GRIN2A: variants seen among roughly 807,000 people sequenced by gnomAD.
The protein encoded by GRIN2A is glutamate receptor ionotropic, NMDA 2A.
Under a neutral mutation model 113.4 loss-of-function variants are expected in GRIN2A, and 22 were observed. That is an observed-to-expected ratio of 0.19 (90% confidence interval 0.14 to 0.28). The LOEUF is 0.28. Among genes scored for constraint, GRIN2A ranks in the 10% least tolerant of loss-of-function variants. GRIN2A has a pLI of 1.00. For synonymous variants in GRIN2A, 827 were observed against 738.4 expected, an observed-to-expected ratio of 1.12 and a Z score of -1.94; for missense variants, 1,502 against 1,887.0, an observed-to-expected ratio of 0.80 and a Z score of 3.78.
chr16:9,761,115 T>G lies in GRIN2A; in HGVS notation c.*2034A>C, dbSNP rs1479375289. On this transcript the variant is annotated 3_prime_UTR_variant, in exon 13 of 13. Coordinates refer to ENST00000330684, the MANE Select transcript of GRIN2A (RefSeq NM_001134407.3). ...AAGGAAGCTCCTCTCACCCACTGCC[T>G]CCCTCTGTCTCCCTATGATTGACCC... 1 of 232,624 alleles carries G rather than the reference T, an allele frequency of 4.3e-6. No individual in the cohort carries two copies. Among genetic ancestry groups the G allele is most frequent in the Non-Finnish European group, 8.5e-6 (1 of 117,668 alleles). The allele number at this position is 232,624 out of a possible 1,614,324, so 14.4% of individuals were successfully genotyped here.
chr16:9,977,809 G>A (rs772943010), intron 2 of GRIN2A, among the ~76,000 whole-genome samples: 3 of 152,118 alleles, frequency 2.0e-5, no homozygotes, highest in Non-Finnish European at 4.4e-5. Flanking sequence ...AGACTTTGGT[G>A]AGTAAATACC....
chr16:9,829,746 G>A, intron 8 of GRIN2A, 94 bp from the exon 9 acceptor site: 2 of 805,830 alleles, frequency 2.5e-6, no homozygotes, highest in Admixed American at 1.9e-5. Flanking sequence ...AGCACCGAAG[G>A]TTGCCAGAAG....
chr16:9,895,445 C>T lies in GRIN2A; in HGVS notation c.1008-4345G>A, dbSNP rs184525956. 9.9e-5 allele frequency among the ~76,000 whole-genome samples: 15 copies of T among 152,250 alleles called. No individual in the cohort carries two copies. In the East Asian group the frequency reaches 1.7e-3, roughly 18 times the overall value. On this transcript the variant is annotated intron_variant, in intron 3 of 12. Transcript: ENST00000330684. ...CTTGGGAGAGGACGCTAGAGACAGA[C>T]GCAGGAGTCAGATAAGCAAGTACTA...
intron 2 of GRIN2A, among the ~76,000 whole-genome samples, chr16:10,126,171 A>T (rs5029252): frequency 0.57 from 85,560 of 150,210 alleles, 25,798 homozygotes; most frequent in Middle Eastern, 0.75. Flanking sequence ...ATATATATAT[A>T]TTTTTTTTTG....
At chr16:10,111,343 C>T in intron 2 of GRIN2A, 1 of 403,388 alleles carries the variant, frequency 2.5e-6, no homozygotes, top group Non-Finnish European at 4.7e-6. Context: ...GGCAGGCGGC[C>T]GCGCGGGTGT....
At chr16:10,003,914 G>A (rs1166740521) in intron 2 of GRIN2A, among the ~76,000 whole-genome samples, 2 of 152,074 alleles carry the variant, frequency 1.3e-5, no homozygotes, top group Non-Finnish European at 2.9e-5. Context: ...GCAGTCACAC[G>A]TCCGCATTGC....
At chr16:10,097,143 C>G in intron 2 of GRIN2A, among the ~76,000 whole-genome samples, 1 of 152,208 alleles carries the variant, frequency 6.6e-6, no homozygotes, top group East Asian at 1.9e-4. Flanking sequence ...GATCAGGCCT[C>G]AGGCTCTGAG....
chr16:10,048,635 C>T (rs1165681525), intron 2 of GRIN2A, among the ~76,000 whole-genome samples: 1 of 152,112 alleles, frequency 6.6e-6, no homozygotes, highest in African/African-American at 2.4e-5. Context: ...ATTAGTGTCT[C>T]CAAACACTAA....
intron 2 of GRIN2A, among the ~76,000 whole-genome samples, chr16:10,120,054 A>G (rs939335381): frequency 3.9e-5 from 6 of 152,180 alleles, no homozygotes; most frequent in Non-Finnish European, 7.3e-5. Context: ...ATGTATGCAT[A>G]TATCTTTATA....
chr16:9,994,992 C>T (rs942412573), intron 2 of GRIN2A, among the ~76,000 whole-genome samples: 25 of 152,156 alleles, frequency 1.6e-4, no homozygotes, highest in African/African-American at 5.6e-4. Context: ...GAGACTGACT[C>T]GGTCAAACAG....
At chr16:9,978,915 A>G (rs996411317) in intron 2 of GRIN2A, among the ~76,000 whole-genome samples, 4 of 152,192 alleles carry the variant, frequency 2.6e-5, no homozygotes, top group African/African-American at 9.7e-5. Context: ...AAATTCTGCT[A>G]TGTACCCACA....
intron 2 of GRIN2A, among the ~76,000 whole-genome samples, chr16:10,162,279 G>C (rs145804198): frequency 1.3e-5 from 2 of 152,298 alleles, no homozygotes; most frequent in African/African-American, 4.8e-5. Context: ...TGGAGGTCTG[G>C]GTTCTGAGCT....
At chr16:9,923,930 C>G (rs2044403948) in intron 3 of GRIN2A, among the ~76,000 whole-genome samples, 1 of 151,848 alleles carries the variant, frequency 6.6e-6, no homozygotes, top group Admixed American at 6.6e-5. Flanking sequence ...AGTTCGAGAC[C>G]AGCCTGGCCA....
rs1900430977 is a variant in GRIN2A, at chr16:9,758,045, ACT to A, written c.*5102_*5103del. ...TCTTGGATCTAATCCTCGCTCTGATACTCTCTAACTTGATGATCTTAAACAGG... is the reference window on the plus strand; with the variant it reads ...TCTTGGATCTAATCCTCGCTCTGATACTCTAACTTGATGATCTTAAACAGG... On this transcript the variant is annotated 3_prime_UTR_variant, in exon 13 of 13. Coordinates refer to ENST00000330684, the MANE Select transcript of GRIN2A (RefSeq NM_001134407.3). The A allele has an allele frequency of 4.7e-6, 1 of 213,048 alleles. No homozygotes were observed. The highest frequency in any genetic ancestry group is 9.5e-6 in the Non-Finnish European group (1 of 105,198). 13.2% of individuals were successfully genotyped at this position (213,048 alleles called of 1,614,324 possible).
At chr16:10,167,437 A>T (rs748180203) in intron 2 of GRIN2A, among the ~76,000 whole-genome samples, 1 of 152,230 alleles carries the variant, frequency 6.6e-6, no homozygotes, top group Non-Finnish European at 1.5e-5. Flanking sequence ...TTAGGGACCA[A>T]TGGAAACAAT....
chr16:9,933,178 C>G (rs999174876), intron 3 of GRIN2A, among the ~76,000 whole-genome samples: 1 of 152,162 alleles, frequency 6.6e-6, no homozygotes, highest in South Asian at 2.1e-4. Flanking sequence ...TCTGTAAAAT[C>G]AGGAATATTA....
rs574964921 is a variant in GRIN2A at position 9,953,235 on chromosome 16, T to C, written c.415-14684A>G. 7.9e-5 allele frequency among the ~76,000 whole-genome samples: 12 copies of C among 152,284 alleles called. No individual in the cohort carries two copies. The East Asian group carries it at 2.1e-3, about 27-fold the overall frequency. ...TGGTCTTGGCAACTCATGGATCGGA[T>C]TGGCAGGGAGATTGGGGAGTGAAAG... is the stretch of plus-strand genomic sequence containing the variant. On this transcript the variant is annotated intron_variant, in intron 2 of 12. Transcript: ENST00000330684.
chr16:10,058,753 G>A lies in GRIN2A; in HGVS notation c.415-120202C>T, dbSNP rs139286731. Reference sequence around the variant, plus strand: ...TATGTATTTGTCCATTCATTTACTCGCTCATTCATCCCCCAAATTCTGAAT... The same window carrying A: ...TATGTATTTGTCCATTCATTTACTCACTCATTCATCCCCCAAATTCTGAAT... On this transcript the variant is annotated intron_variant, in intron 2 of 12. Coordinates refer to ENST00000330684, the MANE Select transcript of GRIN2A (RefSeq NM_001134407.3). Among the ~76,000 whole-genome samples, 454 of 152,170 alleles carry A rather than the reference G, an allele frequency of 3.0e-3. 1 individual carries two copies. Among genetic ancestry groups the A allele is most frequent in the African/African-American group, 0.011 (437 of 41,500 alleles).
chr16:10,170,602 A>G (rs1438894471), intron 2 of GRIN2A, among the ~76,000 whole-genome samples: 2 of 152,240 alleles, frequency 1.3e-5, no homozygotes, highest in Admixed American at 1.3e-4. Flanking sequence ...GGGGCTGGGG[A>G]CGGTGGCTTA....
Sources: gnomAD v4.1 joint callset for allele counts (sites outside exome capture counted in the v4.1 genomes callset) on GRCh38, gnomAD v4.1.1 for gene constraint, MANE v1.5 for transcripts, NCBI Gene and HGNC (gene_info 2026-07-23, HGNC 2026-07-21) for gene names.